VDR: variants seen among roughly 807,000 people sequenced by gnomAD.
The protein encoded by VDR is vitamin D receptor.
VDR carries 19 observed loss-of-function variants against 39.7 expected under a neutral mutation model. That is an observed-to-expected ratio of 0.48 (90% CI 0.33 to 0.70). The LOEUF (loss-of-function observed/expected upper bound fraction) is 0.70. Among genes scored for constraint, VDR ranks in the 30% least tolerant of loss-of-function variants. The pLI, the probability that VDR is intolerant of heterozygous loss-of-function variation, is 0.02. For synonymous variants in VDR, 242 were observed against 215.8 expected (o/e 1.12, Z -1.07); for missense variants, 442 against 570.5 (o/e 0.77, Z 2.29).
intron 4 of VDR, 86 bp downstream of exon 4, chr12:47,864,961 C>T (rs1945697531): frequency 3.8e-6 from 6 of 1,591,504 alleles, no homozygotes; most frequent in South Asian, 3.3e-5. Flanking sequence ...CAGGCAGACC[C>T]TCTGCCCAAA....
rs774460350 is a variant in VDR at position 47,846,798 on chromosome 12, A to C, written c.766T>G (p.Ser256Ala). The change falls in exon 8 of 10, where the codon TCT becomes GCT. Residue 256 changes from serine to alanine, a missense_variant. Around this residue, in one of 5 missense-constraint regions of VDR, gnomAD observed 173 missense variants for 252.0 expected, o/e 0.69. Transcript: ENST00000549336. ...KMIPGFRDLT[S>A]EDQIVLLKSS... ...TTCAGCAGTACGATCTGGTCCTCAG[A>C]GGTGAGGTCTCTGCAGGGGAGGGAG... is the stretch of plus-strand genomic sequence containing the variant. 1.4e-5 allele frequency: 22 copies of C among 1,614,046 alleles called. No homozygotes were observed. The highest frequency in any genetic ancestry group is 1.9e-5 in the Non-Finnish European group (22 of 1,180,040).
In VDR at chr12:47,890,379, A is replaced by T. The variant is rs12230681; in HGVS notation, c.-83-7605T>A. ...ATATTATGTATGTAATATATATTTTATATATATATATATATATAAATCTAA... is the reference window on the plus strand; with the variant it reads ...ATATTATGTATGTAATATATATTTTTTATATATATATATATATAAATCTAA... On this transcript the variant is annotated intron_variant, in intron 1 of 9. Coordinates refer to ENST00000549336, the MANE Select transcript of VDR (RefSeq NM_000376.3). 7.5e-3 allele frequency among the ~76,000 whole-genome samples: 840 copies of T among 111,888 alleles called. 6 individuals are homozygous for T. In the African/African-American group the frequency reaches 0.076, roughly 10 times the overall value. 73.4% of individuals were successfully genotyped at this position (111,888 alleles called of 152,430 possible).
At chr12:47,899,897 A>G in intron 1 of VDR, 3 of 985,602 alleles carry the variant, frequency 3.0e-6, no homozygotes, top group Non-Finnish European at 3.6e-6. Flanking sequence ...GGGGCCTGGC[A>G]TGAGGCTATC....
intron 1 of VDR, among the ~76,000 whole-genome samples, chr12:47,890,233 T>C (rs1457458123): frequency 6.6e-6 from 1 of 151,618 alleles, no homozygotes; most frequent in Non-Finnish European, 1.5e-5. Context: ...GCTTATCCCA[T>C]ATTAGTATGA....
chr12:47,859,923 T>TC (rs1945587994), intron 4 of VDR, among the ~76,000 whole-genome samples: 686 of 50,680 alleles, frequency 0.014, 31 homozygotes, highest in East Asian at 0.032. Flanking sequence ...CCTTCTTTCT[T>TC]TTTCTTTCTT....
rs184568937 is a variant in VDR, at chr12:47,888,449, A to G, written c.-83-5675T>C. The stretch of plus-strand genomic sequence containing the variant: ...CAGGACTCAGAGTGGGGAGCCCATG[A>G]GGCCTCAGGCAGTGGAGCAGGAGAT... On this transcript the variant is annotated intron_variant, in intron 1 of 9. Transcript: ENST00000549336. 2.4e-3 allele frequency among the ~76,000 whole-genome samples: 369 copies of G among 152,292 alleles called. 3 individuals are homozygous for G. Among genetic ancestry groups the G allele is most frequent in the African/African-American group, 8.6e-3 (358 of 41,558 alleles).
At chr12:47,855,901 G>T in intron 6 of VDR, 100 bp from the exon 7 acceptor site, 2 of 1,442,296 alleles carry the variant, frequency 1.4e-6, no homozygotes, top group Non-Finnish European at 1.9e-6. Context: ...TGGCAGCAGA[G>T]CCAGCTGGGA....
At chr12:47,889,476 C>T (rs1240534407) in intron 1 of VDR, among the ~76,000 whole-genome samples, 14 of 152,326 alleles carry the variant, frequency 9.2e-5, no homozygotes, top group Non-Finnish European at 1.6e-4. Flanking sequence ...TCCTGCCCGA[C>T]TAACTCCAGC....
intron 1 of VDR, among the ~76,000 whole-genome samples, chr12:47,895,716 A>T (rs1272616310): frequency 1.3e-5 from 2 of 151,944 alleles, no homozygotes; most frequent in African/African-American, 2.4e-5. Context: ...TACACATTTC[A>T]TTTTTTTTAA....
At chr12:47,883,009 G>A in intron 1 of VDR, 2 of 481,198 alleles carry the variant, frequency 4.2e-6, no homozygotes, top group Middle Eastern at 1.1e-3. Context: ...AGTAGCAGGA[G>A]CAGTGGGAAG....
At chr12:47,880,067 C>A (rs1248412228) in intron 2 of VDR, among the ~76,000 whole-genome samples, 2 of 151,982 alleles carry the variant, frequency 1.3e-5, no homozygotes, top group Non-Finnish European at 2.9e-5. Context: ...TCTGGGATAC[C>A]TCAGACTGCC....
chr12:47,900,139 C>T (rs1175421030), intron 1 of VDR, among the ~76,000 whole-genome samples: 1 of 152,178 alleles, frequency 6.6e-6, no homozygotes. Context: ...CTGCACAATC[C>T]TACCTCTGTT....
chr12:47,853,755 C>CA (rs760891345), intron 7 of VDR, among the ~76,000 whole-genome samples: 2 of 150,964 alleles, frequency 1.3e-5, no homozygotes, highest in African/African-American at 4.9e-5. Flanking sequence ...AACTCTGTCT[C>CA]AAAAAAAATA....
At chr12:47,863,748 G>T (rs548829067) in intron 4 of VDR, among the ~76,000 whole-genome samples, 2 of 152,312 alleles carry the variant, frequency 1.3e-5, no homozygotes, top group South Asian at 4.1e-4. Flanking sequence ...TTTCAGGGCT[G>T]CCAGTGTTGG....
In VDR at chr12:47,878,862, A is replaced by G. The variant is rs546982363; in HGVS notation, c.146+106T>C. On this transcript the variant is annotated intron_variant, in intron 3 of 9. Coordinates refer to ENST00000549336, the MANE Select transcript of VDR (RefSeq NM_000376.3). The stretch of plus-strand genomic sequence containing the variant: ...GCTGTGAGCGCCGCATGTTCCATGG[A>G]CATTGTAAGGAAGGAGATGTGAAAA... 3.1e-4 allele frequency: 488 copies of G among 1,575,834 alleles called. 2 individuals carry two copies. The African/African-American group carries it at 5.1e-3, about 17-fold the overall frequency.
At chr12:47,863,543 C>T (rs1540339) in intron 4 of VDR, among the ~76,000 whole-genome samples, 52,270 of 152,090 alleles carry the variant, frequency 0.34, 9,791 homozygotes, top group East Asian at 0.7. Context: ...CCCACCCTAA[C>T]GCCTCACCCT....
At position 47,855,773 on chromosome 12, in the gene VDR, A is replaced by T. The variant is rs1203684316; in HGVS notation, c.612T>A (p.Asn204Lys). ...SDMMDSSSFS[N>K]LDLSEEDSDD... ...CTGAATCTTCTTCACTCAGATCCAGATTGGAGAAGCTGGACGAGTCCATCA... is the reference window on the plus strand; with the variant it reads ...CTGAATCTTCTTCACTCAGATCCAGTTTGGAGAAGCTGGACGAGTCCATCA... The change falls in exon 7 of 10, where the codon AAT (asparagine) becomes AAA (lysine). Residue 204 changes from asparagine to lysine, a missense_variant. Asn to Lys is a moderately conservative substitution (Grantham distance 94, BLOSUM62 0). This residue lies in a region of VDR where 77 missense variants were observed against 67.4 expected (regional missense o/e 1.14). Coordinates refer to ENST00000549336, the MANE Select transcript of VDR (RefSeq NM_000376.3). 1.2e-6 allele frequency: 2 copies of T among 1,614,154 alleles called. No homozygotes were observed. The highest frequency in any genetic ancestry group is 1.7e-6 in the Non-Finnish European group (2 of 1,180,000).
intron 3 of VDR, chr12:47,878,736 A>G (rs558229552): frequency 5.6e-5 from 39 of 691,222 alleles, no homozygotes; most frequent in Admixed American, 5.6e-4. Flanking sequence ...AGACCCACAC[A>G]GCAACCTCAG....
At chr12:47,857,470 T>C (rs751759956) in intron 5 of VDR, 34 bp downstream of exon 5, 3 of 1,614,068 alleles carry the variant, frequency 1.9e-6, no homozygotes, top group Non-Finnish European at 2.5e-6. Context: ...GCTTCTCCTC[T>C]GGACCGGCTC....
Sources: allele counts gnomAD v4.1 joint callset (sites outside exome capture counted in the v4.1 genomes callset), GRCh38; gene constraint gnomAD v4.1.1; regional missense constraint gnomAD v4.1.1; transcripts MANE v1.5; gene names NCBI Gene and HGNC (gene_info 2026-07-23, HGNC 2026-07-21).